Variants in MBTPS1 observed in about 807,000 individuals in gnomAD.
MBTPS1 encodes membrane bound transcription factor peptidase, site 1, also known as membrane-bound transcription factor site-1 protease.
MBTPS1 carries 94 observed loss-of-function variants against 127.8 expected under a neutral mutation model. That is an observed-to-expected ratio of 0.74 (90% CI 0.62 to 0.87). The LOEUF (loss-of-function observed/expected upper bound fraction) is 0.87. Ranked by LOEUF, MBTPS1 falls within the 40% of genes least tolerant of loss-of-function variation. MBTPS1 has a pLI of 0.00. For synonymous variants in MBTPS1, 632 were observed against 509.4 expected, an observed-to-expected ratio of 1.24 and a Z score of -3.24; for missense variants, 1,636 against 1,353.2, an observed-to-expected ratio of 1.21 and a Z score of -3.28.
intron 1 of MBTPS1, among the ~76,000 whole-genome samples, chr16:84,108,135 T>C (rs2086350186): frequency 1.3e-5 from 2 of 152,022 alleles, no homozygotes. Flanking sequence ...TGGTTCTCAC[T>C]ATACAATGCA....
chr16:84,083,058 G>A (rs2085964029), intron 10 of MBTPS1, among the ~76,000 whole-genome samples: 1 of 152,210 alleles, frequency 6.6e-6, no homozygotes, highest in African/African-American at 2.4e-5. Context: ...CAACCCCTCG[G>A]CTGCCCGCTT....
chr16:84,081,932 C>A, intron 10 of MBTPS1, 24 bp from the exon 11 acceptor site: 2 of 1,351,724 alleles, frequency 1.5e-6, no homozygotes, highest in Non-Finnish European at 1.9e-6. Flanking sequence ...CAAGAATTGC[C>A]TATTTTCTCT....
chr16:84,089,032 G>C (rs780015188), intron 8 of MBTPS1, among the ~76,000 whole-genome samples: 2 of 152,250 alleles, frequency 1.3e-5, no homozygotes, highest in Non-Finnish European at 2.9e-5. Flanking sequence ...AAAGCCACAG[G>C]GTTTCAGAAC....
intron 20 of MBTPS1, 81 bp from the exon 21 acceptor site, chr16:84,059,509 G>C: frequency 1.5e-6 from 2 of 1,335,794 alleles, no homozygotes; most frequent in Non-Finnish European, 2.1e-6. Flanking sequence ...GCCTTATTAT[G>C]AGTCTGTCTG....
intron 22 of MBTPS1, 107 bp from the exon 23 acceptor site, chr16:84,054,752 A>C: frequency 6.0e-6 from 5 of 826,934 alleles, no homozygotes; most frequent in Middle Eastern, 7.4e-4. Flanking sequence ...AGCTAATTTC[A>C]CTAGCTGGGC....
intron 3 of MBTPS1, among the ~76,000 whole-genome samples, 196 bp from the exon 4 acceptor site, chr16:84,096,001 A>G (rs1464557132): frequency 6.6e-6 from 1 of 152,112 alleles, no homozygotes; most frequent in Non-Finnish European, 1.5e-5. Context: ...CTGTCATATT[A>G]CTCCCAAATA....
intron 1 of MBTPS1, among the ~76,000 whole-genome samples, chr16:84,116,250 G>A (rs751572243): frequency 1.8e-4 from 27 of 152,184 alleles, no homozygotes; most frequent in Non-Finnish European, 3.2e-4. Flanking sequence ...ACCATGCCAA[G>A]GCGAGGCAAG....
At chr16:84,084,685 G>T (rs1228384705) in intron 10 of MBTPS1, among the ~76,000 whole-genome samples, 1 of 152,172 alleles carries the variant, frequency 6.6e-6, no homozygotes, top group African/African-American at 2.4e-5. Flanking sequence ...CACAGTTCTA[G>T]CACATAAATG....
intron 3 of MBTPS1, among the ~76,000 whole-genome samples, chr16:84,097,175 T>C (rs1245955943): frequency 3.3e-5 from 5 of 152,166 alleles, no homozygotes; most frequent in Non-Finnish European, 7.4e-5. Flanking sequence ...TTATGGCCCA[T>C]GGGATAGAAC....
intron 1 of MBTPS1, among the ~76,000 whole-genome samples, chr16:84,106,596 G>A (rs554302795): frequency 7.2e-5 from 11 of 152,184 alleles, no homozygotes; most frequent in Admixed American, 5.9e-4. Context: ...TGAGGAAACC[G>A]GGAGACAGCC....
intron 12 of MBTPS1, among the ~76,000 whole-genome samples, chr16:84,072,357 G>T (rs147854803): frequency 2.6e-5 from 4 of 152,148 alleles, no homozygotes; most frequent in Non-Finnish European, 4.4e-5. Flanking sequence ...TTTCTTTTAG[G>T]GAATGTTCCT....
chr16:84,070,482 C>CTACTACAA, intron 13 of MBTPS1, 106 bp downstream of exon 13: 1 of 1,143,406 alleles, frequency 8.7e-7, no homozygotes, highest in Non-Finnish European at 1.3e-6. Flanking sequence ...ATAAGCCTAT[C>CTACTACAA]TGTCAACTGT....
intron 4 of MBTPS1, among the ~76,000 whole-genome samples, chr16:84,094,611 C>G (rs114257037): frequency 6.6e-6 from 1 of 152,096 alleles, no homozygotes; most frequent in South Asian, 2.1e-4. Flanking sequence ...CATATCAATA[C>G]TATGTTAAAT....
chr16:84,112,203 G>C (rs2086406909), intron 1 of MBTPS1, among the ~76,000 whole-genome samples: 1 of 151,468 alleles, frequency 6.6e-6, no homozygotes, highest in African/African-American at 2.4e-5. Context: ...GTCTCAAATG[G>C]AAACAATGAC....
intron 1 of MBTPS1, among the ~76,000 whole-genome samples, chr16:84,109,174 C>A (rs2086365824): frequency 6.6e-6 from 1 of 152,142 alleles, no homozygotes; most frequent in African/African-American, 2.4e-5. Flanking sequence ...ACGGTAAGAA[C>A]AAGATGGGTT....
rs1382267963 is a variant in MBTPS1 at position 84,054,320 on chromosome 16, A to AACAGACTC, written c.*121_*128dup. ...ATCACAGGAGGGCAGGCCCATGTAG[A>AACAGACTC]ACAGACTCTAACAAACCTGCAGCTG... On this transcript the variant is annotated 3_prime_UTR_variant, in exon 23 of 23. Coordinates refer to ENST00000343411, the MANE Select transcript of MBTPS1 (RefSeq NM_003791.4). 6.4e-6 allele frequency: 5 copies of AACAGACTC among 783,442 alleles called. No individual in the cohort carries two copies. In the African/African-American group the frequency reaches 8.9e-5, roughly 14 times the overall value. The allele number at this position is 783,442 out of a possible 1,614,324, so 48.5% of individuals were successfully genotyped here. A position where few individuals can be genotyped will look rare whatever the true frequency, so the allele number is the denominator to read the frequency against.
At chr16:84,060,130 CCCA>C (rs1480952317) in intron 20 of MBTPS1, 1 of 152,986 alleles carries the variant, frequency 6.5e-6, no homozygotes, top group Non-Finnish European at 1.5e-5. Flanking sequence ...AGCTGGCGGC[CCCA>C]CGGCACCAGC....
chr16:84,079,714 GAAAT>G (rs758440598), intron 11 of MBTPS1, among the ~76,000 whole-genome samples: 3 of 152,158 alleles, frequency 2.0e-5, no homozygotes, highest in Non-Finnish European at 4.4e-5. Context: ...CTGTAAATAA[GAAAT>G]AAATAAATAA....
chr16:84,095,925 G>C lies in MBTPS1; in HGVS notation c.422-120C>G, dbSNP rs1317286573. ...CATTTGCCACTCTGTTTGAAGGAAAGTGGGATTATCTTCTTTTTCTGGAAG... is the reference window on the plus strand; with the variant it reads ...CATTTGCCACTCTGTTTGAAGGAAACTGGGATTATCTTCTTTTTCTGGAAG... On this transcript the variant is annotated intron_variant, in intron 3 of 22. Transcript: ENST00000343411. 1.6e-5 allele frequency: 12 copies of C among 730,572 alleles called. No individual in the cohort carries two copies. The East Asian group carries it at 2.6e-4, about 16-fold the overall frequency. The allele number at this position is 730,572 out of a possible 1,614,324, so 45.3% of individuals were successfully genotyped here. A position where few individuals can be genotyped will look rare whatever the true frequency, so the allele number is the denominator to read the frequency against.
Sources: gnomAD v4.1 joint callset for allele counts (sites outside exome capture counted in the v4.1 genomes callset) on GRCh38, gnomAD v4.1.1 for gene constraint, MANE v1.5 for transcripts, NCBI Gene and HGNC (gene_info 2026-07-23, HGNC 2026-07-21) for gene names.